Variants in OPCML observed in about 807,000 individuals in gnomAD.
OPCML encodes opioid binding protein/cell adhesion molecule like.
A neutral mutation model predicts 37.8 loss-of-function variants in OPCML; 13 were observed. That is an observed-to-expected ratio of 0.34 (90% confidence interval 0.22 to 0.55). The LOEUF (loss-of-function observed/expected upper bound fraction) is 0.55. Ranked by LOEUF, OPCML falls within the 20% of genes least tolerant of loss-of-function variation. OPCML has a pLI of 0.91. For synonymous variants in OPCML, 176 were observed against 168.8 expected, an observed-to-expected ratio of 1.04 and a Z score of -0.33; for missense variants, 341 against 435.6, an observed-to-expected ratio of 0.78 and a Z score of 1.93.
chr11:132,870,724 T>C (rs1181247757), intron 2 of OPCML, among the ~76,000 whole-genome samples: 1 of 152,196 alleles, frequency 6.6e-6, no homozygotes, highest in Non-Finnish European at 1.5e-5. Context: ...CATTTGGCCT[T>C]AAAATAAGGA....
intron 2 of OPCML, among the ~76,000 whole-genome samples, chr11:132,676,068 G>A (rs981465263): frequency 6.6e-6 from 1 of 152,152 alleles, no homozygotes; most frequent in Non-Finnish European, 1.5e-5. Context: ...AATTAAGTCA[G>A]TGTAGCACTG....
At chr11:133,398,841 C>A (rs181820990) in intron 1 of OPCML, among the ~76,000 whole-genome samples, 1 of 151,566 alleles carries the variant, frequency 6.6e-6, no homozygotes, top group Admixed American at 6.6e-5. Flanking sequence ...GGGTCCCATG[C>A]CTCACCAAAC....
At chr11:133,320,632 A>T (rs369528623) in intron 1 of OPCML, among the ~76,000 whole-genome samples, 2 of 152,214 alleles carry the variant, frequency 1.3e-5, no homozygotes, top group Non-Finnish European at 2.9e-5. Flanking sequence ...GAAAGCTATC[A>T]TCCTTTTAAA....
chr11:132,448,258 A>T (rs192975431), intron 4 of OPCML, among the ~76,000 whole-genome samples: 1 of 152,018 alleles, frequency 6.6e-6, no homozygotes, highest in Non-Finnish European at 1.5e-5. Context: ...CTTTCCCTAT[A>T]TTAGTTCCTG....
intron 1 of OPCML, among the ~76,000 whole-genome samples, chr11:132,998,619 C>G (rs1440924156): frequency 6.6e-6 from 1 of 152,168 alleles, no homozygotes; most frequent in Non-Finnish European, 1.5e-5. Context: ...CTTCTATGCT[C>G]TGAATGTTTG....
At chr11:132,816,698 G>T (rs890208904) in intron 2 of OPCML, among the ~76,000 whole-genome samples, 2 of 152,130 alleles carry the variant, frequency 1.3e-5, no homozygotes, top group Non-Finnish European at 2.9e-5. Context: ...TTTTTGGTCC[G>T]TTGTGGGACT....
intron 1 of OPCML, among the ~76,000 whole-genome samples, chr11:133,483,303 T>A (rs1947418646): frequency 6.8e-6 from 1 of 147,098 alleles, no homozygotes; most frequent in African/African-American, 2.6e-5. Context: ...CTAGAGCTGA[T>A]AGATAGGCAG....
At chr11:133,249,909 G>C (rs773478378) in intron 1 of OPCML, among the ~76,000 whole-genome samples, 34 of 152,302 alleles carry the variant, frequency 2.2e-4, no homozygotes, top group Non-Finnish European at 3.5e-4. Flanking sequence ...ATGGACGATG[G>C]GAGAAGCTAG....
intron 4 of OPCML, among the ~76,000 whole-genome samples, chr11:132,439,027 C>G (rs748209009): frequency 2.6e-5 from 4 of 152,126 alleles, no homozygotes; most frequent in South Asian, 4.1e-4. Flanking sequence ...AAATCAGCAC[C>G]GTTCTGTTAG....
At chr11:132,463,053 C>T (rs940327342) in intron 4 of OPCML, among the ~76,000 whole-genome samples, 4 of 152,218 alleles carry the variant, frequency 2.6e-5, no homozygotes, top group African/African-American at 7.2e-5. Context: ...AAAATACCCA[C>T]TTATCCAATA....
At chr11:133,117,929 G>C (rs1949361183) in intron 1 of OPCML, 1 of 985,208 alleles carries the variant, frequency 1.0e-6, no homozygotes, top group African/African-American at 1.7e-5. Context: ...GATGTTTCCA[G>C]AAGGGAATGG....
chr11:133,091,913 G>A (rs1181561359), intron 1 of OPCML, among the ~76,000 whole-genome samples: 1 of 152,122 alleles, frequency 6.6e-6, no homozygotes, highest in Non-Finnish European at 1.5e-5. Context: ...TTCATGTGAG[G>A]ACATGAATTT....
chr11:133,045,688 G>A (rs1591947313), intron 1 of OPCML, among the ~76,000 whole-genome samples: 2 of 152,166 alleles, frequency 1.3e-5, no homozygotes, highest in Admixed American at 6.5e-5. Context: ...CGGGCTTCAC[G>A]TTTACTGAAC....
At chr11:133,327,717 C>T (rs1038332668) in intron 1 of OPCML, among the ~76,000 whole-genome samples, 3 of 152,134 alleles carry the variant, frequency 2.0e-5, no homozygotes, top group African/African-American at 4.8e-5. Context: ...CTGAAGCCTC[C>T]ACTTCCTTTG....
At chr11:133,249,107 T>A (rs1237943076) in intron 1 of OPCML, among the ~76,000 whole-genome samples, 8 of 152,146 alleles carry the variant, frequency 5.3e-5, no homozygotes, top group Non-Finnish European at 1.2e-4. Context: ...TTAGTCTGGT[T>A]TTGTGTTGCT....
chr11:132,679,792 T>A (rs1348547019), intron 2 of OPCML, among the ~76,000 whole-genome samples: 1 of 151,796 alleles, frequency 6.6e-6, no homozygotes, highest in East Asian at 1.9e-4. Context: ...AAGGGAGGAG[T>A]GTGCCTAATC....
In OPCML at chr11:133,140,531, TAAGAAG is replaced by T. The variant is rs1168417109; in HGVS notation, c.62-197527_62-197522del. Among the ~76,000 whole-genome samples the T allele has an allele frequency of 8.7e-3, 765 of 88,076 alleles. 2 individuals carry two copies. The highest frequency in any genetic ancestry group is 0.014 in the Middle Eastern group (2 of 146). 57.8% of individuals were successfully genotyped at this position (88,076 alleles called of 152,430 possible). A position where few individuals can be genotyped will look rare whatever the true frequency, so the allele number is the denominator to read the frequency against. On this transcript the variant is annotated intron_variant, in intron 1 of 7. Transcript: ENST00000524381. ...TGTCTCAAAATAATAATAATAATAATAAGAAGAAGAAGAAGAAGAAGAAGAAGAAGA... is the reference window on the plus strand; with the variant it reads ...TGTCTCAAAATAATAATAATAATAATAAGAAGAAGAAGAAGAAGAAGAAGA...
chr11:133,368,524 A>G (rs1944603577), intron 1 of OPCML, among the ~76,000 whole-genome samples: 1 of 152,178 alleles, frequency 6.6e-6, no homozygotes, highest in Non-Finnish European at 1.5e-5. Context: ...AGAGAATAAA[A>G]AAAGAACAGG....
At chr11:132,767,632 C>T (rs1370147925) in intron 2 of OPCML, among the ~76,000 whole-genome samples, 1 of 152,190 alleles carries the variant, frequency 6.6e-6, no homozygotes, top group Non-Finnish European at 1.5e-5. Context: ...GAGCCATATG[C>T]TTACCAAGAG....
Sources: allele counts gnomAD v4.1 joint callset (sites outside exome capture counted in the v4.1 genomes callset), GRCh38; gene constraint gnomAD v4.1.1; transcripts MANE v1.5; gene names NCBI Gene and HGNC (gene_info 2026-07-23, HGNC 2026-07-21).